The following MED13 variants were observed in gnomAD, a reference collection of about 807,000 sequenced individuals.
MED13 encodes the protein mediator complex subunit 13, also known as mediator of RNA polymerase II transcription subunit 13.
Under a neutral mutation model 225.2 loss-of-function variants are expected in MED13, and 23 were observed. The observed-to-expected ratio is 0.10, with a 90% CI of 0.07 to 0.14. The LOEUF is 0.14. Ranked by LOEUF, MED13 falls within the 10% of genes least tolerant of loss-of-function variation. The pLI is 1.00. For missense variants in MED13, 2,197 were observed against 2,594.5 expected (o/e 0.85, Z 3.33); for synonymous variants, 942 against 889.2 (o/e 1.06, Z -1.06).
At chr17:62,014,190 T>C (rs555778377) in intron 8 of MED13, among the ~76,000 whole-genome samples, 2 of 152,050 alleles carry the variant, frequency 1.3e-5, no homozygotes, top group Non-Finnish European at 2.9e-5. Context: ...ACAGCCACCA[T>C]CTATGAAGTA....
intron 11 of MED13, among the ~76,000 whole-genome samples, 186 bp downstream of exon 11, chr17:61,992,354 A>G (rs918743865): frequency 6.6e-6 from 1 of 152,214 alleles, no homozygotes; most frequent in African/African-American, 2.4e-5. Context: ...AAAAACACAA[A>G]TTCTATCACC....
chr17:62,015,921 T>C (rs1275177373), intron 8 of MED13, among the ~76,000 whole-genome samples: 164 of 5,420 alleles, frequency 0.03, 11 homozygotes, highest in South Asian at 0.091. Flanking sequence ...TACACATATA[T>C]ATATATATAT....
In MED13 at chr17:62,011,087, T is replaced by C; in HGVS notation, c.1430A>G (p.His477Arg). 6.2e-7 allele frequency: 1 copy of C among 1,614,198 alleles called. No individual in the cohort carries two copies. Among genetic ancestry groups the C allele is most frequent in the Non-Finnish European group, 8.5e-7 (1 of 1,180,028 alleles). Residue 477 changes from histidine (H) to arginine (R), a missense_variant, in exon 9 of 30, where the codon CAC (histidine) becomes CGC (arginine). Physicochemically the swap from His to Arg is conservative, Grantham distance 29. Around this residue, in one of 12 missense-constraint regions of MED13, gnomAD observed 884 missense variants for 918.5 expected, o/e 0.96. Coordinates refer to ENST00000397786, the MANE Select transcript of MED13 (RefSeq NM_005121.3). ...KPQKRPLTPF[H>R]HRVSVSDDVG... is the part of the protein sequence containing the mutation. ...ATCATCACTAACAGACACACGATGG[T>C]GAAAAGGAGTCAAGGGGCGTTTCTG...
intron 28 of MED13, among the ~76,000 whole-genome samples, chr17:61,949,408 A>G (rs2079878087): frequency 6.6e-6 from 1 of 152,110 alleles, no homozygotes; most frequent in Admixed American, 6.5e-5. Flanking sequence ...AAAACTTTTT[A>G]GAGAGACAAA....
At chr17:62,052,742 A>T in intron 2 of MED13, 37 bp from the exon 3 acceptor site, 4 of 1,482,832 alleles carry the variant, frequency 2.7e-6, no homozygotes, top group Non-Finnish European at 3.6e-6. Flanking sequence ...AAATAGTGAC[A>T]CTATAATCTA....
At chr17:62,021,073 C>G (rs1321371597) in intron 8 of MED13, among the ~76,000 whole-genome samples, 1,631 of 92,978 alleles carry the variant, frequency 0.018, no homozygotes, top group East Asian at 0.033. Context: ...AATGAAAAGT[C>G]TCCCATGTCT....
chr17:61,994,965 C>T (rs1008563532), intron 10 of MED13, among the ~76,000 whole-genome samples, 187 bp downstream of exon 10: 5 of 152,322 alleles, frequency 3.3e-5, no homozygotes, highest in African/African-American at 1.2e-4. Context: ...CCTGCCTCGG[C>T]CTCCCCAAGT....
intron 28 of MED13, among the ~76,000 whole-genome samples, chr17:61,950,573 G>A (rs953776124): frequency 1.3e-5 from 2 of 152,206 alleles, no homozygotes; most frequent in Admixed American, 6.5e-5. Flanking sequence ...CAGTAGAGAC[G>A]AGGTTTCGCC....
chr17:61,951,633 A>G (rs1029078862), intron 27 of MED13, among the ~76,000 whole-genome samples: 2 of 152,232 alleles, frequency 1.3e-5, no homozygotes, highest in African/African-American at 4.8e-5. Flanking sequence ...GCAAAAATGC[A>G]ATATTTAAAA....
At chr17:62,031,675 C>T (rs117059497) in intron 5 of MED13, 37 bp from the exon 6 acceptor site, 21,051 of 1,395,468 alleles carry the variant, frequency 0.015, 223 homozygotes, top group South Asian at 0.038. Flanking sequence ...AACCAATTAC[C>T]TTTGTGACTA....
At chr17:61,988,340 C>T (rs1567961944) in intron 11 of MED13, among the ~76,000 whole-genome samples, 3 of 152,124 alleles carry the variant, frequency 2.0e-5, no homozygotes, top group African/African-American at 2.4e-5. Context: ...AAACATGATA[C>T]CAATTACAAT....
chr17:62,060,010 G>A (rs758182795), intron 2 of MED13, among the ~76,000 whole-genome samples: 29 of 151,922 alleles, frequency 1.9e-4, no homozygotes, highest in Non-Finnish European at 2.8e-4. Flanking sequence ...AGTTATTTAC[G>A]GCCAGGTGCA....
Position 62,058,968 on chromosome 17 carries a change from TGCTAAGTGACATAAGAGAAAA to T in MED13, c.301+4078_301+4098del, listed in dbSNP as rs2081017092. 2.0e-5 allele frequency among the ~76,000 whole-genome samples: 3 copies of T among 152,302 alleles called. No homozygotes were observed. In the East Asian group the frequency reaches 5.8e-4, roughly 29 times the overall value. Reference sequence around the variant, plus strand: ...TTGAAAGGAAGGTAACCCAAACAAATGCTAAGTGACATAAGAGAAAATGAAATTTAAAATGCACTATGGAAT... The same window carrying T: ...TTGAAAGGAAGGTAACCCAAACAAATTGAAATTTAAAATGCACTATGGAAT... On this transcript the variant is annotated intron_variant, in intron 2 of 29. Transcript: ENST00000397786.
At chr17:62,064,381 A>T (rs2081064613) in intron 1 of MED13, among the ~76,000 whole-genome samples, 1 of 152,214 alleles carries the variant, frequency 6.6e-6, no homozygotes, top group Admixed American at 6.5e-5. Context: ...TTTCCATTTC[A>T]ATCAAACAAG....
chr17:62,033,717 A>T, intron 5 of MED13, 70 bp downstream of exon 5: 1 of 1,444,028 alleles, frequency 6.9e-7, no homozygotes, highest in Non-Finnish European at 9.5e-7. Context: ...CTTGTTTGTT[A>T]TTCAGCAAAA....
rs951280480 is a variant in MED13, at chr17:62,055,536, T to C, written c.302-2831A>G. ...AGTCAAATGATTTAAGAATATTTAA[T>C]GTGAGGCCATGTGCGGTGGCTCATG... On this transcript the variant is annotated intron_variant, in intron 2 of 29. Coordinates refer to ENST00000397786, the MANE Select transcript of MED13 (RefSeq NM_005121.3). Among the ~76,000 whole-genome samples, 7 of 151,690 alleles carry C rather than the reference T, an allele frequency of 4.6e-5. No individual in the cohort carries two copies. The East Asian group carries it at 7.9e-4, about 17-fold the overall frequency.
intron 12 of MED13, among the ~76,000 whole-genome samples, 180 bp from the exon 13 acceptor site, chr17:61,985,270 C>A (rs1158422546): frequency 1.3e-5 from 2 of 152,260 alleles, no homozygotes; most frequent in South Asian, 2.1e-4. Context: ...ATCACTGACT[C>A]CAGATTAATT....
chr17:62,019,784 C>T (rs908028479), intron 8 of MED13, among the ~76,000 whole-genome samples: 4 of 150,892 alleles, frequency 2.7e-5, no homozygotes, highest in Non-Finnish European at 5.9e-5. Context: ...GCTCTTGTCA[C>T]CCAGGCTGGA....
intron 3 of MED13, among the ~76,000 whole-genome samples, chr17:62,039,227 T>C (rs1360403597): frequency 2.6e-5 from 4 of 152,180 alleles, no homozygotes; most frequent in Admixed American, 1.3e-4. Flanking sequence ...TCTGATCTTA[T>C]TGTAACATTC....
Sources: allele counts gnomAD v4.1 joint callset (sites outside exome capture counted in the v4.1 genomes callset), GRCh38; gene constraint gnomAD v4.1.1; regional missense constraint gnomAD v4.1.1; transcripts MANE v1.5; gene names NCBI Gene and HGNC (gene_info 2026-07-23, HGNC 2026-07-21).